The following GPR149 variants were observed in gnomAD, a reference collection of about 807,000 sequenced individuals.
GPR149 encodes the protein G protein-coupled receptor 149.
In GPR149, 50 loss-of-function variants were observed where a neutral mutation model predicts 50.2. The observed-to-expected ratio is 1.00, with a 90% CI of 0.79 to 1.26. The LOEUF is 1.26. Among genes scored for constraint, GPR149 ranks in the 50% most tolerant of loss-of-function variants. The probability of loss-of-function intolerance (pLI) is 0.00; values close to 1 mark genes in which losing one functional copy is unlikely to be tolerated. For synonymous variants in GPR149, 405 were observed against 358.2 expected, an observed-to-expected ratio of 1.13 and a Z score of -1.48; for missense variants, 983 against 895.4, an observed-to-expected ratio of 1.10 and a Z score of -1.25.
In GPR149 at chr3:154,429,054, T is replaced by C; in HGVS notation, c.562A>G (p.Ser188Gly). The change falls in exon 1 of 4, where the codon AGC becomes GGC. Residue 188 changes from serine to glycine, a missense_variant. Ser to Gly is a moderately conservative substitution (Grantham distance 56). Transcript: ENST00000389740. Reference protein sequence around the residue: ...TPWGCLVDCSSSYVLFLSIVY... With the variant: ...TPWGCLVDCSGSYVLFLSIVY... ...ATAGAGAGGAATAGTACGTAGGAGC[T>C]GGAGCAGTCCACCAGGCAGCCCCAG... The C allele has an allele frequency of 1.9e-6, 3 of 1,613,916 alleles. No homozygotes were observed. The highest frequency in any genetic ancestry group is 1.7e-6 in the Non-Finnish European group (2 of 1,180,008).
intron 3 of GPR149, among the ~76,000 whole-genome samples, chr3:154,408,657 C>T (rs991766305): frequency 5.3e-5 from 8 of 152,196 alleles, no homozygotes; most frequent in African/African-American, 1.7e-4. Context: ...ACACCCCCAT[C>T]CCCCACAGCA....
intron 3 of GPR149, among the ~76,000 whole-genome samples, chr3:154,400,556 C>T (rs979644639): frequency 1.3e-5 from 2 of 152,146 alleles, no homozygotes; most frequent in Non-Finnish European, 1.5e-5. Context: ...TCTAGACACT[C>T]CTTCCACAAT....
At position 154,428,864 on chromosome 3, in the gene GPR149, A is replaced by G. The variant is rs760869481; in HGVS notation, c.752T>C (p.Leu251Pro). 1.2e-6 allele frequency: 2 copies of G among 1,613,932 alleles called. No individual in the cohort carries two copies. Among genetic ancestry groups the G allele is most frequent in the Admixed American group, 3.3e-5 (2 of 60,020 alleles). The change falls in exon 1 of 4, where the codon CTG becomes CCG. Residue 251 changes from leucine to proline, a missense_variant. Coordinates refer to ENST00000389740, the MANE Select transcript of GPR149 (RefSeq NM_001038705.3). ...TPPTAGRVVSLSPEDAPGPSL... is the reference protein window; with the variant it reads ...TPPTAGRVVSPSPEDAPGPSL... ...CGGGCCTGGAGCATCCTCTGGGGAC[A>G]GGGAAACCACTCTCCCCGCAGTAGG...
At chr3:154,385,251 A>G (rs1228693865) in intron 3 of GPR149, among the ~76,000 whole-genome samples, 1 of 152,134 alleles carries the variant, frequency 6.6e-6, no homozygotes, top group Non-Finnish European at 1.5e-5. Context: ...AGATTATTTC[A>G]CCTGGCTTTC....
At chr3:154,357,624 A>G (rs1314432305) in intron 3 of GPR149, among the ~76,000 whole-genome samples, 1 of 152,224 alleles carries the variant, frequency 6.6e-6, no homozygotes, top group Non-Finnish European at 1.5e-5. Flanking sequence ...GGCGATCATT[A>G]AAAAGTCAGG....
At chr3:154,351,318 A>AAT in intron 3 of GPR149, among the ~76,000 whole-genome samples, 1 of 74,202 alleles carries the variant, frequency 1.3e-5, no homozygotes, top group Non-Finnish European at 2.8e-5. Flanking sequence ...ACATACAAAA[A>AAT]AAAAAAAAAA....
chr3:154,395,831 T>G (rs937812226), intron 3 of GPR149, among the ~76,000 whole-genome samples: 14 of 152,254 alleles, frequency 9.2e-5, no homozygotes, highest in Non-Finnish European at 1.9e-4. Context: ...ACAAACCAAA[T>G]GTGATTTCTT....
At chr3:154,386,886 A>T (rs905355354) in intron 3 of GPR149, among the ~76,000 whole-genome samples, 1 of 152,198 alleles carries the variant, frequency 6.6e-6, no homozygotes, top group African/African-American at 2.4e-5. Context: ...TAAAAATTTT[A>T]TAATAATGTA....
At chr3:154,397,164 C>G (rs1267420308) in intron 3 of GPR149, among the ~76,000 whole-genome samples, 2 of 152,024 alleles carry the variant, frequency 1.3e-5, no homozygotes, top group African/African-American at 4.8e-5. Context: ...ATTGGGAAGA[C>G]CAGACACCTA....
rs187226572 is a variant in GPR149, at chr3:154,386,174, T to C, written c.1623+34865A>G. ...ATATCTGGTGAAGTGAGTGTTTTCA[T>C]CCTCCTTTTTAGTTAAGGGAATTGA... On this transcript the variant is annotated intron_variant, in intron 3 of 3. Transcript: ENST00000389740. Among the ~76,000 whole-genome samples the C allele has an allele frequency of 1.6e-3, 239 of 152,334 alleles. 1 individual carries two copies. Among genetic ancestry groups the C allele is most frequent in the African/African-American group, 5.2e-3 (217 of 41,572 alleles).
intron 3 of GPR149, among the ~76,000 whole-genome samples, chr3:154,400,743 A>C (rs1164591001): frequency 6.6e-6 from 1 of 152,268 alleles, no homozygotes; most frequent in African/African-American, 2.4e-5. Flanking sequence ...AGTTATACGC[A>C]GTTAATAAGA....
Position 154,367,883 on chromosome 3 carries a change from C to G in GPR149, c.1624-29612G>C, listed in dbSNP as rs551589205. On this transcript the variant is annotated intron_variant, in intron 3 of 3. Coordinates refer to ENST00000389740, the MANE Select transcript of GPR149 (RefSeq NM_001038705.3). The stretch of plus-strand genomic sequence containing the variant: ...AGTACGATTAGACCTCTTTCGCTTG[C>G]TATTCTGTCCTGTCTTTCCTTAGAA... Among the ~76,000 whole-genome samples, 5 of 152,316 alleles carry G rather than the reference C, an allele frequency of 3.3e-5. No individual in the cohort carries two copies. The South Asian group carries it at 1.0e-3, about 32-fold the overall frequency.
chr3:154,374,177 T>C (rs1425257503), intron 3 of GPR149, among the ~76,000 whole-genome samples: 2 of 144,746 alleles, frequency 1.4e-5, no homozygotes, highest in Admixed American at 1.4e-4. Flanking sequence ...TTCTTTTTTT[T>C]TTTTTTTTGA....
At chr3:154,365,555 C>T (rs951216778) in intron 3 of GPR149, among the ~76,000 whole-genome samples, 5 of 152,046 alleles carry the variant, frequency 3.3e-5, no homozygotes, top group African/African-American at 1.2e-4. Context: ...TACTTTTGAC[C>T]GTAAATTCAA....
At chr3:154,407,268 G>A (rs73000766) in intron 3 of GPR149, among the ~76,000 whole-genome samples, 1 of 152,026 alleles carries the variant, frequency 6.6e-6, no homozygotes, top group Non-Finnish European at 1.5e-5. Context: ...AATGAAAAAT[G>A]TAATATAAAA....
chr3:154,374,824 T>A (rs1179577895), intron 3 of GPR149, among the ~76,000 whole-genome samples: 1 of 152,108 alleles, frequency 6.6e-6, no homozygotes, highest in Non-Finnish European at 1.5e-5. Context: ...AGAGAAACAC[T>A]TGAAATGGGC....
At chr3:154,355,470 T>C (rs1714197720) in intron 3 of GPR149, among the ~76,000 whole-genome samples, 1 of 152,262 alleles carries the variant, frequency 6.6e-6, no homozygotes, top group African/African-American at 2.4e-5. Flanking sequence ...TCTCTTGGGA[T>C]TATTAGACAG....
At chr3:154,424,498 A>T (rs1712238807) in intron 2 of GPR149, among the ~76,000 whole-genome samples, 2 of 151,858 alleles carry the variant, frequency 1.3e-5, no homozygotes, top group African/African-American at 4.8e-5. Context: ...ACAGTGCTAC[A>T]GTTCCTGACT....
chr3:154,406,327 A>G (rs1711684188), intron 3 of GPR149, among the ~76,000 whole-genome samples: 1 of 152,204 alleles, frequency 6.6e-6, no homozygotes, highest in South Asian at 2.1e-4. Context: ...GTGGGAGTAG[A>G]AACTGGTATA....
Sources: gnomAD v4.1 joint callset for allele counts (sites outside exome capture counted in the v4.1 genomes callset) on GRCh38, gnomAD v4.1.1 for gene constraint, MANE v1.5 for transcripts, NCBI Gene and HGNC (gene_info 2026-07-23, HGNC 2026-07-21) for gene names.